ABI2: variants seen among roughly 807,000 people sequenced by gnomAD.
ABI2 encodes the protein abl interactor 2.
ABI2 carries 25 observed loss-of-function variants against 59.2 expected under a neutral mutation model. The observed-to-expected ratio is 0.42, with a 90% CI of 0.31 to 0.59. The LOEUF is 0.59. Ranked by LOEUF, ABI2 falls within the 20% of genes least tolerant of loss-of-function variation. The pLI is 0.14. For missense variants in ABI2, 545 were observed against 681.8 expected (o/e 0.80, Z 2.23); for synonymous variants, 213 against 235.5 (o/e 0.90, Z 0.87).
intron 11 of ABI2, 113 bp from the exon 12 acceptor site, chr2:203,427,064 A>G (rs1380026398): frequency 1.2e-6 from 1 of 862,086 alleles, no homozygotes; most frequent in African/African-American, 1.7e-5. Flanking sequence ...TTAGAAAGTC[A>G]CCATGTTTGA....
chr2:203,369,653 A>G (rs2094913449), intron 2 of ABI2, among the ~76,000 whole-genome samples: 2 of 152,202 alleles, frequency 1.3e-5, no homozygotes, highest in Admixed American at 6.5e-5. Context: ...AGATTAATAA[A>G]CTGGAAATTA....
intron 3 of ABI2, among the ~76,000 whole-genome samples, chr2:203,381,541 A>G (rs1287032677): frequency 6.6e-6 from 1 of 152,194 alleles, no homozygotes; most frequent in Non-Finnish European, 1.5e-5. Flanking sequence ...TATTGGGATT[A>G]CAGGTGTAAG....
chr2:203,369,736 T>C (rs918864753), intron 2 of ABI2, among the ~76,000 whole-genome samples: 1 of 152,038 alleles, frequency 6.6e-6, no homozygotes, highest in Non-Finnish European at 1.5e-5. Flanking sequence ...TAGAGGGCAA[T>C]AGTTGGAGGG....
At chr2:203,406,275 G>A (rs2097423554) in intron 9 of ABI2, among the ~76,000 whole-genome samples, 1 of 152,204 alleles carries the variant, frequency 6.6e-6, no homozygotes, top group South Asian at 2.1e-4. Flanking sequence ...AATCAGTAAT[G>A]TAGCATGTAA....
At chr2:203,366,084 G>T (rs1291797036) in intron 1 of ABI2, among the ~76,000 whole-genome samples, 2 of 151,664 alleles carry the variant, frequency 1.3e-5, no homozygotes, top group East Asian at 1.9e-4. Flanking sequence ...ATCATTAATG[G>T]ATAGAAATCT....
chr2:203,379,549 C>T (rs1231401088), intron 2 of ABI2, among the ~76,000 whole-genome samples: 1 of 152,126 alleles, frequency 6.6e-6, no homozygotes, highest in Non-Finnish European at 1.5e-5. Context: ...TTATTTTTAA[C>T]ATTATATTTC....
intron 11 of ABI2, among the ~76,000 whole-genome samples, chr2:203,424,060 C>G (rs771134584): frequency 6.6e-6 from 1 of 152,086 alleles, no homozygotes; most frequent in Non-Finnish European, 1.5e-5. Flanking sequence ...TATCAGTTCC[C>G]CATATGATTT....
intron 9 of ABI2, among the ~76,000 whole-genome samples, chr2:203,409,441 A>T (rs1559359969): frequency 6.6e-6 from 1 of 152,304 alleles, no homozygotes; most frequent in South Asian, 2.1e-4. Flanking sequence ...TATTTTGCAT[A>T]ATCTCAACCC....
chr2:203,382,615 A>C (rs974759176), intron 4 of ABI2, among the ~76,000 whole-genome samples: 5 of 152,162 alleles, frequency 3.3e-5, no homozygotes, highest in Non-Finnish European at 2.9e-5. Flanking sequence ...AATGTACTTT[A>C]TTTAACCCTC....
chr2:203,361,866 G>T (rs1292837647), intron 1 of ABI2, among the ~76,000 whole-genome samples: 3 of 152,180 alleles, frequency 2.0e-5, no homozygotes, highest in Non-Finnish European at 4.4e-5. Flanking sequence ...TGCTAAGTTT[G>T]CAGGAATCGA....
rs868159233 is a variant in ABI2, at chr2:203,385,157, C to G, written c.480+2951C>G. ...TCAGATTCTTTTTTTTTTTTTGAGA[C>G]AGTCTTGCCGTTGCCCAGGCTGGAG... On this transcript the variant is annotated intron_variant, in intron 4 of 11. Transcript: ENST00000261018. Among the ~76,000 whole-genome samples, 28 of 88,628 alleles carry G rather than the reference C, an allele frequency of 3.2e-4. 7 individuals carry two copies. Among genetic ancestry groups the G allele is most frequent in the Middle Eastern group, 0.01 (1 of 98 alleles). The allele number at this position is 88,628 out of a possible 152,430, so 58.1% of individuals were successfully genotyped here. A position where few individuals can be genotyped will look rare whatever the true frequency, so the allele number is the denominator to read the frequency against.
At chr2:203,340,986 A>G (rs1346753859) in intron 1 of ABI2, among the ~76,000 whole-genome samples, 1 of 152,158 alleles carries the variant, frequency 6.6e-6, no homozygotes, top group African/African-American at 2.4e-5. Flanking sequence ...TACCAGGCAT[A>G]CTTCTGCCTC....
intron 9 of ABI2, among the ~76,000 whole-genome samples, chr2:203,406,883 C>T (rs188736983): frequency 6.6e-5 from 10 of 152,082 alleles, no homozygotes; most frequent in African/African-American, 1.7e-4. Flanking sequence ...GGCTGATCTC[C>T]GACTCCTGAC....
Position 203,402,713 on chromosome 2 carries a change from C to T in ABI2, c.1171C>T (p.Pro391Ser). 1.3e-6 allele frequency: 2 copies of T among 1,594,520 alleles called. No individual in the cohort carries two copies. Among genetic ancestry groups the T allele is most frequent in the South Asian group, 1.2e-5 (1 of 86,442 alleles). The change falls in exon 9 of 12, where the codon CCT becomes TCT. Residue 391 changes from proline to serine, a missense_variant. Transcript: ENST00000261018. ...CCTTCAGAATCAGATGAATGGAGGA[C>T]CTTTTTATAGCCAGAATCCAGGTTA... ...TSLQNQMNGG[P>S]FYSQNPVSLA...
intron 1 of ABI2, among the ~76,000 whole-genome samples, chr2:203,365,664 C>G (rs2094324745): frequency 9.2e-6 from 1 of 108,570 alleles, no homozygotes; most frequent in African/African-American, 3.5e-5. Flanking sequence ...GAGTCTCACT[C>G]TGTTGCCCAG....
At chr2:203,372,525 T>C (rs1241055407) in intron 2 of ABI2, among the ~76,000 whole-genome samples, 2 of 141,550 alleles carry the variant, frequency 1.4e-5, no homozygotes, top group Admixed American at 7.0e-5. Context: ...GCGCCCCTCA[T>C]CTCCCAGACG....
At chr2:203,384,317 T>G (rs28550614) in intron 4 of ABI2, among the ~76,000 whole-genome samples, 88,504 of 126,450 alleles carry the variant, frequency 0.7, 29,921 homozygotes, top group Middle Eastern at 0.81. Context: ...TTTTTTTTTT[T>G]TTTTTTTGAG....
At chr2:203,341,235 C>A (rs2079731761) in intron 1 of ABI2, among the ~76,000 whole-genome samples, 1 of 152,102 alleles carries the variant, frequency 6.6e-6, no homozygotes, top group African/African-American at 2.4e-5. Context: ...TCTTAACATA[C>A]AGTGTTTCTT....
At chr2:203,400,953 A>G (rs1579458030) in intron 8 of ABI2, among the ~76,000 whole-genome samples, 3 of 152,352 alleles carry the variant, frequency 2.0e-5, no homozygotes, top group Admixed American at 2.0e-4. Flanking sequence ...TCAACAAATC[A>G]AGCATTCATC....
Sources: gnomAD v4.1 joint callset for allele counts (sites outside exome capture counted in the v4.1 genomes callset) on GRCh38, gnomAD v4.1.1 for gene constraint, MANE v1.5 for transcripts, NCBI Gene and HGNC (gene_info 2026-07-23, HGNC 2026-07-21) for gene names.